The following ASNS variants were observed in gnomAD, a reference collection of about 807,000 sequenced individuals.
ASNS encodes asparagine synthetase [glutamine-hydrolyzing].
A neutral mutation model predicts 62.6 loss-of-function variants in ASNS; 37 were observed. The ratio of observed to expected loss-of-function variants is 0.59; its 90% CI spans 0.45 to 0.78. The LOEUF (loss-of-function observed/expected upper bound fraction) is 0.78. Among genes scored for constraint, ASNS ranks in the 30% least tolerant of loss-of-function variants. ASNS has a pLI of 0.00. For missense variants in ASNS, 520 were observed against 682.4 expected (o/e 0.76, Z 2.65); for synonymous variants, 207 against 237.9 (o/e 0.87, Z 1.19).
intron 9 of ASNS, 127 bp from the exon 10 acceptor site, chr7:97,854,807 A>G: frequency 6.5e-7 from 1 of 1,527,854 alleles, no homozygotes; most frequent in Non-Finnish European, 8.9e-7. Context: ...GGAGTAAATA[A>G]CTGAACAGAG....
chr7:97,853,737 TG>T (rs1791298964), intron 10 of ASNS, among the ~76,000 whole-genome samples: 1 of 152,212 alleles, frequency 6.6e-6, no homozygotes, highest in African/African-American at 2.4e-5. Flanking sequence ...CCTAACTCAG[TG>T]TTTACTAGGT....
intron 4 of ASNS, 110 bp downstream of exon 4, chr7:97,864,149 T>C (rs539054691): frequency 5.4e-6 from 5 of 930,484 alleles, no homozygotes; most frequent in Admixed American, 5.6e-5. Context: ...ACTCATAACT[T>C]AGTCACTTGT....
intron 5 of ASNS, 64 bp from the exon 6 acceptor site, chr7:97,859,019 GA>G: frequency 6.8e-7 from 1 of 1,476,684 alleles, no homozygotes. Context: ...TTATTGAAAT[GA>G]AATACACAAT....
the ASNS span, among the ~76,000 whole-genome samples, chr7:97,896,741 C>CACACACACATATATATATAT: frequency 5.1e-5 from 1 of 19,768 alleles, no homozygotes; most frequent in African/African-American, 1.1e-4. Flanking sequence ...CACACACACA[C>CACACACACATATATATATAT]ATATATATAT....
the ASNS span, among the ~76,000 whole-genome samples, chr7:97,879,476 G>A: frequency 6.6e-6 from 1 of 152,222 alleles, no homozygotes; most frequent in Non-Finnish European, 1.5e-5. Flanking sequence ...ATGTTAGATA[G>A]GATGTTAAGT....
At position 97,852,071 on chromosome 7, in the gene ASNS, C is replaced by G; in HGVS notation, c.*188G>C. On this transcript the variant is annotated 3_prime_UTR_variant, in exon 13 of 13. Coordinates refer to ENST00000394308, the MANE Select transcript of ASNS (RefSeq NM_001673.5). The stretch of plus-strand genomic sequence containing the variant: ...TCCACTTTACTGTGATACAGCAAAA[C>G]AGTTCTAGTTACCTCTTATGAAGAG... The G allele has an allele frequency of 1.6e-6, 1 of 639,582 alleles. No individual in the cohort carries two copies. The highest frequency in any genetic ancestry group is 2.8e-5 in the East Asian group (1 of 35,484). 39.6% of individuals were successfully genotyped at this position (639,582 alleles called of 1,614,324 possible).
At chr7:97,868,843 C>A in intron 3 of ASNS, 65 bp downstream of exon 3, 1 of 1,588,842 alleles carries the variant, frequency 6.3e-7, no homozygotes, top group South Asian at 1.1e-5. Flanking sequence ...GAATATGTAA[C>A]ATCATCGTAA....
the ASNS span, among the ~76,000 whole-genome samples, chr7:97,910,758 C>T: frequency 6.6e-6 from 1 of 152,148 alleles, no homozygotes; most frequent in Non-Finnish European, 1.5e-5. Context: ...CCCACCACCA[C>T]ACCTGGCTAA....
In ASNS at chr7:97,868,992, C is replaced by T. The variant is rs758717588; in HGVS notation, c.165G>A (p.Pro55=). The change falls in exon 3 of 13, where the codon CCG becomes CCA. Residue 55 remains proline, a synonymous_variant. Transcript: ENST00000394308. ...CTCGAATTGGCTGCATTCCAAACAG[C>T]GGGTCAACTACCGCCAACCGGTGAA... ...FGFHRLAVVD[P]LFGMQPIRVK... 36 of 1,614,052 alleles carry T rather than the reference C, an allele frequency of 2.2e-5. No individual in the cohort carries two copies. Among genetic ancestry groups the T allele is most frequent in the Middle Eastern group, 1.6e-4 (1 of 6,082 alleles).
chr7:97,916,617 TG>T, the ASNS span, among the ~76,000 whole-genome samples: 1 of 152,192 alleles, frequency 6.6e-6, no homozygotes, highest in South Asian at 2.1e-4. Context: ...GGAAATGCAG[TG>T]CTTTATTTAT....
chr7:97,880,387 G>T, the ASNS span, among the ~76,000 whole-genome samples: 1 of 152,168 alleles, frequency 6.6e-6, no homozygotes, highest in Non-Finnish European at 1.5e-5. Context: ...GCTTCCCAAA[G>T]TGCTGGGATT....
chr7:97,923,452 G>A, the ASNS span, among the ~76,000 whole-genome samples: 6,115 of 152,062 alleles, frequency 0.04, 281 homozygotes, highest in African/African-American at 0.11. Context: ...ATGGTGGCAC[G>A]CACCTGCATT....
intron 3 of ASNS, among the ~76,000 whole-genome samples, chr7:97,867,252 C>T (rs1443049917): frequency 1.5e-5 from 2 of 136,442 alleles, no homozygotes; most frequent in East Asian, 4.5e-4. Context: ...ACTCCCAGTA[C>T]ACCTCTGGCT....
chr7:97,891,989 T>G, the ASNS span, among the ~76,000 whole-genome samples: 2 of 152,222 alleles, frequency 1.3e-5, no homozygotes, highest in Non-Finnish European at 2.9e-5. Context: ...ACCCCACATT[T>G]CCCTTCTGCA....
At chr7:97,889,552 T>C in the ASNS span, among the ~76,000 whole-genome samples, 1 of 151,560 alleles carries the variant, frequency 6.6e-6, no homozygotes, top group South Asian at 2.1e-4. Flanking sequence ...TCTAAGCCAC[T>C]GAATGACTCA....
intron 4 of ASNS, chr7:97,863,398 C>T (rs1247256658): frequency 1.3e-5 from 2 of 152,158 alleles, no homozygotes; most frequent in Non-Finnish European, 2.9e-5. Flanking sequence ...TATATAATCC[C>T]GTTCATATGA....
At chr7:97,926,336 A>C in the ASNS span, among the ~76,000 whole-genome samples, 1 of 152,108 alleles carries the variant, frequency 6.6e-6, no homozygotes, top group African/African-American at 2.4e-5. Flanking sequence ...AAAGTCCAAA[A>C]TAATCTGCTA....
chr7:97,906,970 C>T, the ASNS span: 2 of 152,156 alleles, frequency 1.3e-5, no homozygotes, highest in Non-Finnish European at 2.9e-5. Context: ...GGCTCACCCA[C>T]ATTGGGGAGG....
chr7:97,859,288 C>A lies in ASNS; in HGVS notation c.598G>T (p.Glu200Ter), dbSNP rs779172263. Residue 200 changes from glutamate to a stop codon, truncating the protein, a stop_gained, in exon 5 of 13, where the codon GAA (glutamate) becomes TAA (stop). Coordinates refer to ENST00000394308, the MANE Select transcript of ASNS (RefSeq NM_001673.5). LOFTEE classifies it high-confidence loss of function. ...LKPNGKVASV[E>*]MVKYHHCRDV... is the part of the protein sequence containing the mutation. ...CGACAGTGATGATATTTAACCATTT[C>A]CACGGATGCAACTTTGCCATTTGGC... 6.2e-7 allele frequency: 1 copy of A among 1,614,156 alleles called. No homozygotes were observed. The highest frequency in any genetic ancestry group is 8.5e-7 in the Non-Finnish European group (1 of 1,180,026).
Sources: gnomAD v4.1 joint callset for allele counts (sites outside exome capture counted in the v4.1 genomes callset) on GRCh38, gnomAD v4.1.1 for gene constraint, MANE v1.5 for transcripts, NCBI Gene and HGNC (gene_info 2026-07-23, HGNC 2026-07-21) for gene names.